MRTFB: variants seen among roughly 807,000 people sequenced by gnomAD.
MRTFB encodes myocardin related transcription factor B, also known as myocardin-related transcription factor B.
Under a neutral mutation model 104.2 loss-of-function variants are expected in MRTFB, and 29 were observed. The ratio of observed to expected loss-of-function variants is 0.28; its 90% CI spans 0.21 to 0.38. MRTFB has a LOEUF of 0.38. MRTFB is among the 10% of genes least tolerant of loss of function. The probability of loss-of-function intolerance (pLI) is 1.00; values close to 1 mark genes in which losing one functional copy is unlikely to be tolerated. For missense variants in MRTFB, 1,270 were observed against 1,341.6 expected (o/e 0.95, Z 0.83); for synonymous variants, 535 against 519.5 (o/e 1.03, Z -0.41).
the MRTFB span, among the ~76,000 whole-genome samples, chr16:14,010,581 G>A: frequency 6.6e-6 from 1 of 152,094 alleles, no homozygotes; most frequent in Non-Finnish European, 1.5e-5. Context: ...GATTACAGGT[G>A]CGTGCCACCA....
At chr16:14,115,999 A>C (rs541281719) in intron 2 of MRTFB, among the ~76,000 whole-genome samples, 11 of 152,280 alleles carry the variant, frequency 7.2e-5, no homozygotes, top group Admixed American at 7.2e-4. Flanking sequence ...CATTCTGCAG[A>C]GTAATTGGCC....
chr16:14,054,028 C>G, the MRTFB span, among the ~76,000 whole-genome samples: 1 of 152,092 alleles, frequency 6.6e-6, no homozygotes, highest in African/African-American at 2.4e-5. Context: ...GAGAAACCTC[C>G]TTACTGTTTG....
chr16:14,242,140 T>TA (rs912444151), intron 10 of MRTFB, among the ~76,000 whole-genome samples: 44 of 151,288 alleles, frequency 2.9e-4, no homozygotes, highest in African/African-American at 8.7e-4. Flanking sequence ...GACGCTGTTA[T>TA]AAAAAAAAAT....
intron 2 of MRTFB, among the ~76,000 whole-genome samples, chr16:14,122,658 T>C (rs2036912802): frequency 6.6e-6 from 1 of 152,206 alleles, no homozygotes; most frequent in Non-Finnish European, 1.5e-5. Context: ...TGTATATATG[T>C]GCCACATTTA....
chr16:14,126,845 A>T (rs2037135117), intron 2 of MRTFB, among the ~76,000 whole-genome samples: 1 of 152,204 alleles, frequency 6.6e-6, no homozygotes, highest in African/African-American at 2.4e-5. Context: ...CACAGTTCTA[A>T]TTTGACGAGA....
the MRTFB span, chr16:14,020,198 C>T: frequency 6.6e-6 from 1 of 152,206 alleles, no homozygotes. Flanking sequence ...GGAACAAATC[C>T]CATCTGGGTC....
chr16:14,183,103 C>T (rs2039823602), intron 3 of MRTFB, among the ~76,000 whole-genome samples: 1 of 152,092 alleles, frequency 6.6e-6, no homozygotes, highest in Non-Finnish European at 1.5e-5. Context: ...AGAAATCTGG[C>T]CAGTACCAAG....
chr16:14,118,333 G>A (rs565261283), intron 2 of MRTFB, among the ~76,000 whole-genome samples: 75 of 151,088 alleles, frequency 5.0e-4, no homozygotes, highest in Non-Finnish European at 9.0e-4. Context: ...ATAGAGATGG[G>A]GTTTTGCCAT....
chr16:14,168,217 A>ATGTGTG (rs61205256), intron 3 of MRTFB, among the ~76,000 whole-genome samples: 8,703 of 148,064 alleles, frequency 0.059, 565 homozygotes, highest in African/African-American at 0.16. Context: ...TAAAGATAAA[A>ATGTGTG]TGTGTGTGTG....
At chr16:14,069,497 T>C (rs974203654), upstream of MRTFB, among the ~76,000 whole-genome samples, 4 of 152,210 alleles carry the variant, frequency 2.6e-5, no homozygotes, top group Admixed American at 2.6e-4. Context: ...TAGTTTTTTC[T>C]TTTTTAGAGA....
the MRTFB span, chr16:14,020,205 G>C: frequency 6.6e-6 from 1 of 151,972 alleles, no homozygotes. Context: ...ATCCCATCTG[G>C]GTCAAACACT....
chr16:14,210,390 CT>C (rs1229747619), intron 4 of MRTFB, 82 bp downstream of exon 4: 1 of 1,040,722 alleles, frequency 9.6e-7, no homozygotes, highest in African/African-American at 1.6e-5. Flanking sequence ...TCTTGCTCTG[CT>C]TTCAGTTGTA....
intron 9 of MRTFB, 61 bp downstream of exon 9, chr16:14,234,344 T>C: frequency 6.5e-7 from 1 of 1,529,584 alleles, no homozygotes; most frequent in Non-Finnish European, 8.8e-7. Flanking sequence ...TCTATAACCC[T>C]GTGAATGGAA....
chr16:14,173,711 T>C (rs917517782), intron 3 of MRTFB, among the ~76,000 whole-genome samples: 5 of 152,190 alleles, frequency 3.3e-5, no homozygotes, highest in Admixed American at 2.0e-4. Context: ...GCATGTAAAA[T>C]AGAACTTTTG....
At chr16:14,097,743 G>C (rs2035469513) in intron 2 of MRTFB, among the ~76,000 whole-genome samples, 1 of 152,178 alleles carries the variant, frequency 6.6e-6, no homozygotes, top group South Asian at 2.1e-4. Flanking sequence ...ATGCTCCTTT[G>C]CCCCTGTTTC....
intron 1 of MRTFB, among the ~76,000 whole-genome samples, chr16:14,077,084 A>T (rs566969954): frequency 6.6e-6 from 1 of 152,150 alleles, no homozygotes; most frequent in African/African-American, 2.4e-5. Context: ...AATGACTTTC[A>T]TGTATTTTGG....
chr16:14,138,307 T>C (rs969245618), intron 2 of MRTFB, among the ~76,000 whole-genome samples: 1 of 152,226 alleles, frequency 6.6e-6, no homozygotes, highest in Non-Finnish European at 1.5e-5. Context: ...AGTTTTTTTA[T>C]CTACATGTTT....
At chr16:14,229,722 G>A (rs1347706085) in intron 8 of MRTFB, among the ~76,000 whole-genome samples, 1 of 151,968 alleles carries the variant, frequency 6.6e-6, no homozygotes, top group Non-Finnish European at 1.5e-5. Flanking sequence ...AGAAAAGTCA[G>A]TCTTTATGAT....
chr16:14,250,629 T>G (rs80161139), intron 13 of MRTFB, among the ~76,000 whole-genome samples: 1 of 152,182 alleles, frequency 6.6e-6, no homozygotes, highest in African/African-American at 2.4e-5. Context: ...GGCCAGGTAG[T>G]AAGAAGCTTA....
Sources: allele counts gnomAD v4.1 joint callset (sites outside exome capture counted in the v4.1 genomes callset), GRCh38; gene constraint gnomAD v4.1.1; transcripts MANE v1.5; gene names NCBI Gene and HGNC (gene_info 2026-07-23, HGNC 2026-07-21).